Variants in IGF2R observed in about 807,000 individuals in gnomAD.
IGF2R encodes insulin like growth factor 2 receptor, also known as cation-independent mannose-6-phosphate receptor.
In IGF2R, 91 loss-of-function variants were observed where a neutral mutation model predicts 270.6. The ratio of observed to expected loss-of-function variants is 0.34; its 90% CI spans 0.28 to 0.40. IGF2R has a LOEUF of 0.40. Ranked by LOEUF, IGF2R falls within the 10% of genes least tolerant of loss-of-function variation. The probability of loss-of-function intolerance (pLI) is 1.00; values close to 1 mark genes in which losing one functional copy is unlikely to be tolerated. For synonymous variants in IGF2R, 1,316 were observed against 1,258.9 expected (o/e 1.05, Z -0.96); for missense variants, 2,805 against 3,188.3 (o/e 0.88, Z 2.90).
chr6:160,089,197 G>A lies in IGF2R; in HGVS notation c.6411G>A (p.Gly2137=), dbSNP rs138241538. The A allele has an allele frequency of 5.6e-6, 9 of 1,613,318 alleles. No individual in the cohort carries two copies. Among genetic ancestry groups the A allele is most frequent in the East Asian group, 2.2e-5 (1 of 44,864 alleles). ...CTCAGGAGGTGCAGATGGTGAATGG[G>A]ACCATCACCAACCCTATAAATGGCA... ...VKPQEVQMVN[G]TITNPINGKS... is the part of the protein sequence containing the mutation. The change falls in exon 43 of 48, where the codon GGG becomes GGA. Residue 2137 remains glycine (G), a synonymous_variant. Coordinates refer to ENST00000356956, the MANE Select transcript of IGF2R (RefSeq NM_000876.4).
At chr6:160,092,990 A>T (rs1310885338) in intron 44 of IGF2R, 1 of 152,270 alleles carries the variant, frequency 6.6e-6, no homozygotes, top group Non-Finnish European at 1.5e-5. Context: ...TTACCCTTTC[A>T]CCATAACTCA....
intron 23 of IGF2R, 145 bp downstream of exon 23, chr6:160,060,862 T>A (rs1221214623): frequency 1.5e-6 from 1 of 689,320 alleles, no homozygotes; most frequent in Non-Finnish European, 2.4e-6. Context: ...GACATTTCTG[T>A]TATATATTCT....
intron 35 of IGF2R, 63 bp from the exon 36 acceptor site, chr6:160,075,784 A>G: frequency 6.4e-7 from 1 of 1,553,938 alleles, no homozygotes; most frequent in South Asian, 1.2e-5. Context: ...TCAATTCTTA[A>G]TTCCACTAAC....
Position 160,061,578 on chromosome 6 carries a change from T to C in IGF2R, c.3338T>C (p.Val1113Ala). 1 of 1,614,130 alleles carries C rather than the reference T, an allele frequency of 6.2e-7. No homozygotes were observed. The highest frequency in any genetic ancestry group is 8.5e-7 in the Non-Finnish European group (1 of 1,179,970). ...RKPWTAVDTS[V>A]DGRKRTFYLS... The stretch of plus-strand genomic sequence containing the variant: ...CCTTGGACGGCTGTTGACACCTCTG[T>C]CGATGGGAGAAAGAGGACTTTCTAT... Residue 1113 changes from valine to alanine, a missense_variant, in exon 24 of 48, where the codon GTC becomes GCC. Transcript: ENST00000356956.
chr6:160,048,240 C>A, intron 17 of IGF2R, 135 bp from the exon 18 acceptor site: 1 of 845,892 alleles, frequency 1.2e-6, no homozygotes, highest in Non-Finnish European at 1.9e-6. Context: ...TGCGCCCAGA[C>A]AAGCCAACTC....
At chr6:160,088,800 T>C (rs1015297458) in intron 42 of IGF2R, among the ~76,000 whole-genome samples, 3 of 152,236 alleles carry the variant, frequency 2.0e-5, no homozygotes, top group Non-Finnish European at 2.9e-5. Flanking sequence ...TTATATTGAA[T>C]GCTTGCCTGC....
chr6:160,078,181 C>G lies in IGF2R; in HGVS notation c.5317-20C>G. ...CCTATGCCATGGGGTTTTTAAGACC[C>G]GTGCTCTTCCTGGCAACAGGGAACG... On this transcript the variant is annotated intron_variant, in intron 36 of 47. Coordinates refer to ENST00000356956, the MANE Select transcript of IGF2R (RefSeq NM_000876.4). 6.2e-7 allele frequency: 1 copy of G among 1,612,898 alleles called. No homozygotes were observed. The highest frequency in any genetic ancestry group is 8.5e-7 in the Non-Finnish European group (1 of 1,179,190).
intron 4 of IGF2R, among the ~76,000 whole-genome samples, chr6:160,011,457 A>G (rs371291543): frequency 6.6e-6 from 1 of 151,500 alleles, no homozygotes; most frequent in Non-Finnish European, 1.5e-5. Flanking sequence ...ACACTGACCT[A>G]TATGTATTAT....
At chr6:160,049,031 G>A (rs1214151476) in intron 18 of IGF2R, among the ~76,000 whole-genome samples, 2 of 152,290 alleles carry the variant, frequency 1.3e-5, no homozygotes. Context: ...TCCTGTGGTC[G>A]TTGTACGTGG....
rs747350236 is a variant in IGF2R, at chr6:160,084,892, G to A, written c.6069-103G>A. 308 of 1,121,926 alleles carry A rather than the reference G, an allele frequency of 2.7e-4. No individual in the cohort carries two copies. Among genetic ancestry groups the A allele is most frequent in the Non-Finnish European group, 2.9e-4 (228 of 784,076 alleles). The allele number at this position is 1,121,926 out of a possible 1,614,324, so 69.5% of individuals were successfully genotyped here. On this transcript the variant is annotated intron_variant, in intron 40 of 47. Transcript: ENST00000356956. This position sits in a 1 kb window ranked among gnomAD's most constrained non-coding sequence, Gnocchi z 4.6. The stretch of plus-strand genomic sequence containing the variant: ...ATTCAGTGATGGAATGGAGCCCTTA[G>A]TTATCAGAACCTTTCTCTGAAAGTA...
intron 4 of IGF2R, among the ~76,000 whole-genome samples, chr6:160,022,780 TAG>T (rs1403016189): frequency 6.6e-6 from 1 of 151,964 alleles, no homozygotes; most frequent in Non-Finnish European, 1.5e-5. Context: ...CAGAGAGAGG[TAG>T]AGAGTGCTGT....
intron 45 of IGF2R, among the ~76,000 whole-genome samples, chr6:160,097,644 A>G (rs1346798626): frequency 6.6e-6 from 1 of 152,214 alleles, no homozygotes; most frequent in Admixed American, 6.5e-5. Flanking sequence ...CCACCATTTT[A>G]CATAAGCTTT....
At chr6:160,055,852 A>G (rs963118085) in intron 19 of IGF2R, among the ~76,000 whole-genome samples, 1 of 152,148 alleles carries the variant, frequency 6.6e-6, no homozygotes, top group Non-Finnish European at 1.5e-5. Context: ...TCACAAAGCT[A>G]ATGGCTCTTT....
In IGF2R at chr6:159,993,302, T is replaced by C. The variant is rs1045890322; in HGVS notation, c.289+1979T>C. On this transcript the variant is annotated intron_variant, in intron 2 of 47. Transcript: ENST00000356956. ...CTTTTGAGGTTTTAGTTATGAAATCTTTGTCTAGGCCAATGTCCAGGAGAG... is the reference window on the plus strand; with the variant it reads ...CTTTTGAGGTTTTAGTTATGAAATCCTTGTCTAGGCCAATGTCCAGGAGAG... Among the ~76,000 whole-genome samples, 4 of 152,332 alleles carry C rather than the reference T, an allele frequency of 2.6e-5. No homozygotes were observed. In the South Asian group the frequency reaches 8.3e-4, roughly 32 times the overall value.
At chr6:159,988,512 C>CAAAAAAAAAAA (rs59531292) in intron 1 of IGF2R, among the ~76,000 whole-genome samples, 3 of 50,476 alleles carry the variant, frequency 5.9e-5, no homozygotes, top group Non-Finnish European at 1.2e-4. Context: ...GACTCCGTCT[C>CAAAAAAAAAAA]AAAAAAAAAA....
intron 1 of IGF2R, among the ~76,000 whole-genome samples, chr6:159,974,536 T>A (rs1294290239): frequency 4.6e-5 from 7 of 152,186 alleles, no homozygotes; most frequent in Admixed American, 4.6e-4. Flanking sequence ...TTTAAAAAAA[T>A]TTGATGGACT....
intron 1 of IGF2R, among the ~76,000 whole-genome samples, chr6:159,985,835 T>C (rs1783873283): frequency 6.6e-6 from 1 of 152,206 alleles, no homozygotes; most frequent in African/African-American, 2.4e-5. Context: ...CTAACTGTTT[T>C]ACGCTCTGAA....
intron 32 of IGF2R, among the ~76,000 whole-genome samples, chr6:160,072,493 C>T (rs1456845634): frequency 6.6e-6 from 1 of 152,224 alleles, no homozygotes; most frequent in Admixed American, 6.5e-5. Context: ...CTCCCCATGC[C>T]CACCAGACTC....
chr6:160,037,835 C>T (rs1263704677), intron 10 of IGF2R, among the ~76,000 whole-genome samples: 1 of 152,118 alleles, frequency 6.6e-6, no homozygotes, highest in Non-Finnish European at 1.5e-5. Context: ...ATTTGGAGAC[C>T]TACGCTTTTT....
Sources: allele counts gnomAD v4.1 joint callset (sites outside exome capture counted in the v4.1 genomes callset), GRCh38; gene constraint gnomAD v4.1.1; non-coding constraint Gnocchi (gnomAD v3.1); transcripts MANE v1.5; gene names NCBI Gene and HGNC (gene_info 2026-07-23, HGNC 2026-07-21).